The following PALLD variants were observed in gnomAD, a reference collection of about 807,000 sequenced individuals.
PALLD encodes the protein palladin.
PALLD carries 61 observed loss-of-function variants against 123.5 expected under a neutral mutation model. That is an observed-to-expected ratio of 0.49 (90% CI 0.40 to 0.61). PALLD has a LOEUF of 0.61. Ranked by LOEUF, PALLD falls within the 20% of genes least tolerant of loss-of-function variation. PALLD has a pLI of 0.00. For synonymous variants in PALLD, 465 were observed against 496.4 expected (o/e 0.94, Z 0.84); for missense variants, 1,273 against 1,377.0 (o/e 0.92, Z 1.20).
intron 18 of PALLD, among the ~76,000 whole-genome samples, chr4:168,923,386 G>A (rs561142937): frequency 6.6e-6 from 1 of 152,322 alleles, no homozygotes; most frequent in South Asian, 2.1e-4. Flanking sequence ...CTCCAGATGA[G>A]GGAGTAGTGG....
At chr4:168,786,034 A>T (rs943360141) in intron 10 of PALLD, among the ~76,000 whole-genome samples, 18 of 151,846 alleles carry the variant, frequency 1.2e-4, no homozygotes, top group Admixed American at 9.2e-4. Context: ...GTATGATAGA[A>T]GTATACTACT....
At chr4:168,783,243 T>A (rs1736205327) in intron 10 of PALLD, among the ~76,000 whole-genome samples, 1 of 152,190 alleles carries the variant, frequency 6.6e-6, no homozygotes. Flanking sequence ...AGTTATGTTC[T>A]TATTACTCAG....
chr4:168,891,288 G>C (rs1246213131), intron 11 of PALLD, among the ~76,000 whole-genome samples: 4 of 152,008 alleles, frequency 2.6e-5, no homozygotes, highest in Non-Finnish European at 4.4e-5. Flanking sequence ...TCAACCTCCT[G>C]GGTAGCTGGA....
chr4:168,871,388 C>T (rs1484320400), intron 10 of PALLD, among the ~76,000 whole-genome samples: 1 of 151,880 alleles, frequency 6.6e-6, no homozygotes, highest in African/African-American at 2.4e-5. Flanking sequence ...TACTTAAGAC[C>T]TTAAAGTTTC....
chr4:168,867,114 A>G (rs943073159), intron 10 of PALLD, among the ~76,000 whole-genome samples: 12 of 152,190 alleles, frequency 7.9e-5, no homozygotes, highest in Non-Finnish European at 1.6e-4. Flanking sequence ...AACTTACTAT[A>G]TATCTTTGTG....
At chr4:168,847,248 A>T (rs1033557637) in intron 10 of PALLD, among the ~76,000 whole-genome samples, 4 of 152,240 alleles carry the variant, frequency 2.6e-5, no homozygotes, top group Non-Finnish European at 5.9e-5. Context: ...TATACAGTAC[A>T]AATTAGTTGT....
At chr4:168,722,150 T>C (rs1381436206) in intron 10 of PALLD, among the ~76,000 whole-genome samples, 1 of 152,284 alleles carries the variant, frequency 6.6e-6, no homozygotes, top group South Asian at 2.1e-4. Context: ...GCTCAGGTGA[T>C]CCTCCTGCCT....
At chr4:168,778,178 T>G (rs986417449) in intron 10 of PALLD, among the ~76,000 whole-genome samples, 4 of 152,180 alleles carry the variant, frequency 2.6e-5, no homozygotes, top group African/African-American at 9.7e-5. Context: ...TCTTCAAATA[T>G]TCCAGCCTCA....
chr4:168,710,731 G>A lies in PALLD; in HGVS notation c.1622-850G>A, dbSNP rs76519686. Among the ~76,000 whole-genome samples, 80 of 152,300 alleles carry A rather than the reference G, an allele frequency of 5.3e-4. No homozygotes were observed. The East Asian group carries it at 0.014, about 28-fold the overall frequency. On this transcript the variant is annotated intron_variant, in intron 9 of 21. Transcript: ENST00000505667. ...AAGAGGACCCCAGCGTTTTGATTCC[G>A]AGTTGGCTTCAACACTGTCCCATCA...
chr4:168,669,849 A>G (rs567927457), intron 3 of PALLD, among the ~76,000 whole-genome samples: 123 of 151,630 alleles, frequency 8.1e-4, no homozygotes, highest in African/African-American at 2.9e-3. Flanking sequence ...GCCGTAGCCT[A>G]CGAGGTATTA....
At chr4:168,759,652 A>G (rs1732539896) in intron 10 of PALLD, among the ~76,000 whole-genome samples, 1 of 149,514 alleles carries the variant, frequency 6.7e-6, no homozygotes, top group South Asian at 2.2e-4. Context: ...AGAGCATTAT[A>G]AAGTGATAAA....
intron 8 of PALLD, among the ~76,000 whole-genome samples, chr4:168,695,781 C>A (rs1347266491): frequency 2.0e-5 from 3 of 152,062 alleles, no homozygotes; most frequent in Non-Finnish European, 2.9e-5. Flanking sequence ...TTTTTAAACA[C>A]TAAATTGTTT....
At chr4:168,586,452 C>G (rs1237170937) in intron 2 of PALLD, among the ~76,000 whole-genome samples, 1 of 152,152 alleles carries the variant, frequency 6.6e-6, no homozygotes, top group East Asian at 1.9e-4. Flanking sequence ...GGACCCAATT[C>G]GTTTTGCTGT....
chr4:168,682,111 G>C (rs1217903994), intron 4 of PALLD, among the ~76,000 whole-genome samples: 1 of 152,104 alleles, frequency 6.6e-6, no homozygotes, highest in Non-Finnish European at 1.5e-5. Flanking sequence ...TATTTATTTA[G>C]ATCTTGTACC....
intron 10 of PALLD, among the ~76,000 whole-genome samples, chr4:168,733,714 GT>G (rs1276729806): frequency 3.3e-5 from 5 of 152,092 alleles, no homozygotes; most frequent in East Asian, 1.9e-4. Flanking sequence ...TTACAGAAAT[GT>G]TTTTTGTTGT....
chr4:168,598,357 C>A (rs908879010), intron 2 of PALLD: 2 of 569,722 alleles, frequency 3.5e-6, no homozygotes, highest in African/African-American at 1.9e-5. Context: ...GCCATGGGAA[C>A]TGTTTGGCTA....
intron 2 of PALLD, among the ~76,000 whole-genome samples, chr4:168,618,538 T>C (rs1305394958): frequency 6.6e-6 from 1 of 152,072 alleles, no homozygotes; most frequent in Non-Finnish European, 1.5e-5. Flanking sequence ...AAAATTTTGT[T>C]ACACACCCAT....
chr4:168,837,182 G>C (rs1034412725), intron 10 of PALLD, among the ~76,000 whole-genome samples: 3 of 152,180 alleles, frequency 2.0e-5, no homozygotes, highest in Non-Finnish European at 4.4e-5. Flanking sequence ...AAAGAGAAGA[G>C]GGGGAAGAGA....
Position 168,926,982 on chromosome 4 carries a change from T to TAATA in PALLD, c.*803_*806dup, listed in dbSNP as rs1762652568. ...TATCAAAAGAGTTTTCTAACAAGGT[T>TAATA]AATACCTTAGTTCTTAACATTTTTT... On this transcript the variant is annotated 3_prime_UTR_variant, in exon 22 of 22. Transcript: ENST00000505667. 1.8e-5 allele frequency: 4 copies of TAATA among 219,952 alleles called. No individual in the cohort carries two copies. The East Asian group carries it at 2.0e-4, about 11-fold the overall frequency. The allele number at this position is 219,952 out of a possible 1,614,324, so 13.6% of individuals were successfully genotyped here.
Sources: gnomAD v4.1 joint callset for allele counts (sites outside exome capture counted in the v4.1 genomes callset) on GRCh38, gnomAD v4.1.1 for gene constraint, MANE v1.5 for transcripts, NCBI Gene and HGNC (gene_info 2026-07-23, HGNC 2026-07-21) for gene names.